ARID5B: variants seen among roughly 807,000 people sequenced by gnomAD.
ARID5B encodes the protein AT-rich interaction domain 5B, also known as AT-rich interactive domain-containing protein 5B.
A neutral mutation model predicts 97.2 loss-of-function variants in ARID5B; 13 were observed. The observed-to-expected ratio is 0.13, with a 90% CI of 0.09 to 0.21. The LOEUF (loss-of-function observed/expected upper bound fraction) is 0.21, where lower values mean the gene tolerates loss of function less well. Among genes scored for constraint, ARID5B ranks in the 10% least tolerant of loss-of-function variants. ARID5B has a pLI of 1.00. For missense variants in ARID5B, 1,210 were observed against 1,465.3 expected, an observed-to-expected ratio of 0.83 and a Z score of 2.84; for synonymous variants, 556 against 570.3, an observed-to-expected ratio of 0.97 and a Z score of 0.36.
intron 5 of ARID5B, among the ~76,000 whole-genome samples, chr10:62,053,894 G>A (rs1006419098): frequency 2.0e-5 from 3 of 152,068 alleles, no homozygotes; most frequent in Non-Finnish European, 2.9e-5. Context: ...TATCATTTTT[G>A]CTTTACTAAG....
chr10:61,954,301 G>C (rs1236315825), intron 3 of ARID5B, among the ~76,000 whole-genome samples: 1 of 151,942 alleles, frequency 6.6e-6, no homozygotes, highest in Non-Finnish European at 1.5e-5. Context: ...GGGTTGCAGT[G>C]AGCCAAGATT....
intron 4 of ARID5B, among the ~76,000 whole-genome samples, chr10:62,045,016 G>A (rs943525141): frequency 6.6e-6 from 1 of 152,162 alleles, no homozygotes; most frequent in Non-Finnish European, 1.5e-5. Flanking sequence ...AATACCAATG[G>A]TCACTATATG....
intron 4 of ARID5B, among the ~76,000 whole-genome samples, chr10:62,041,338 C>A (rs1473399149): frequency 6.6e-6 from 1 of 152,022 alleles, no homozygotes; most frequent in African/African-American, 2.4e-5. Context: ...GTGCTGGTGC[C>A]CTCATAGGGA....
chr10:61,989,443 A>G (rs537232682), intron 3 of ARID5B, among the ~76,000 whole-genome samples: 1 of 152,200 alleles, frequency 6.6e-6, no homozygotes, highest in Non-Finnish European at 1.5e-5. Flanking sequence ...TTTTAAGTGG[A>G]CATCTACATT....
At chr10:62,002,645 T>C (rs1269990503) in intron 4 of ARID5B, among the ~76,000 whole-genome samples, 1 of 152,210 alleles carries the variant, frequency 6.6e-6, no homozygotes, top group Non-Finnish European at 1.5e-5. Flanking sequence ...GCATTTGAAA[T>C]TGACATGGGT....
chr10:62,027,897 A>G (rs753394278), intron 4 of ARID5B, among the ~76,000 whole-genome samples: 1 of 152,098 alleles, frequency 6.6e-6, no homozygotes, highest in Non-Finnish European at 1.5e-5. Context: ...TCACCCTTTC[A>G]TAACACTGAT....
intron 2 of ARID5B, among the ~76,000 whole-genome samples, chr10:61,918,441 G>C (rs1465340497): frequency 6.6e-6 from 1 of 152,150 alleles, no homozygotes; most frequent in Non-Finnish European, 1.5e-5. Flanking sequence ...GCAGATGTTG[G>C]TTATTGACCC....
rs779922348 is a variant in ARID5B at position 62,092,857 on chromosome 10, A to C, written c.3394A>C (p.Thr1132Pro). Residue 1132 changes from threonine to proline, a missense_variant, in exon 10 of 10, where the codon ACA becomes CCA. Transcript: ENST00000279873. ...GCTTGTGATGCAAAGAGGAATTTTT[A>C]CATCACCGACAAATTCTCAGCAGCT... ...HSLVMQRGIFTSPTNSQQLYR... is the reference protein window; with the variant it reads ...HSLVMQRGIFPSPTNSQQLYR... 3.5e-5 allele frequency: 56 copies of C among 1,614,108 alleles called. No homozygotes were observed. The highest frequency in any genetic ancestry group is 4.5e-5 in the Non-Finnish European group (53 of 1,180,048).
chr10:61,950,342 G>T (rs1366478240), intron 3 of ARID5B, among the ~76,000 whole-genome samples: 1 of 152,046 alleles, frequency 6.6e-6, no homozygotes, highest in East Asian at 1.9e-4. Flanking sequence ...TTTTGAGAAT[G>T]CAACACTGAC....
intron 3 of ARID5B, among the ~76,000 whole-genome samples, chr10:61,988,385 A>G (rs922375631): frequency 2.0e-4 from 30 of 152,360 alleles, no homozygotes; most frequent in Middle Eastern, 3.4e-3. Flanking sequence ...GCAGAAGGAT[A>G]TGTTTAACCC....
At chr10:61,943,528 A>G (rs1039592934) in intron 3 of ARID5B, among the ~76,000 whole-genome samples, 1 of 147,054 alleles carries the variant, frequency 6.8e-6, no homozygotes, top group Non-Finnish European at 1.5e-5. Context: ...TCACCTTTCT[A>G]TGGATAAAGT....
At chr10:61,947,261 C>CTTTTT (rs199587188) in intron 3 of ARID5B, among the ~76,000 whole-genome samples, 1,604 of 123,744 alleles carry the variant, frequency 0.013, 83 homozygotes, top group African/African-American at 0.016. Context: ...CACTTACTTT[C>CTTTTT]TTTTTTTTTT....
At chr10:61,916,178 C>G (rs867667283) in intron 2 of ARID5B, among the ~76,000 whole-genome samples, 1 of 152,120 alleles carries the variant, frequency 6.6e-6, no homozygotes, top group Non-Finnish European at 1.5e-5. Context: ...CTCAGCCTGC[C>G]GAGTAGCTGG....
chr10:61,989,610 A>T (rs1838894458), intron 3 of ARID5B, among the ~76,000 whole-genome samples: 1 of 152,230 alleles, frequency 6.6e-6, no homozygotes, highest in East Asian at 1.9e-4. Context: ...AAAGCACAAC[A>T]GTTCTAAAAT....
intron 2 of ARID5B, among the ~76,000 whole-genome samples, chr10:61,925,129 C>T (rs1426626832): frequency 1.3e-5 from 2 of 151,918 alleles, no homozygotes; most frequent in African/African-American, 2.4e-5. Flanking sequence ...CACTTGAACC[C>T]GGGAGGCAGA....
At chr10:62,074,831 C>CAT (rs1840107333) in intron 8 of ARID5B, among the ~76,000 whole-genome samples, 1 of 152,166 alleles carries the variant, frequency 6.6e-6, no homozygotes, top group African/African-American at 2.4e-5. Context: ...TCTACTAGCC[C>CAT]ATAACAAGCT....
chr10:61,992,442 C>T (rs1343149214), intron 3 of ARID5B, among the ~76,000 whole-genome samples: 1 of 152,072 alleles, frequency 6.6e-6, no homozygotes, highest in Non-Finnish European at 1.5e-5. Context: ...ATAGTGAGGG[C>T]AAAAGCTGAT....
At chr10:62,045,410 C>T (rs903812162) in intron 4 of ARID5B, among the ~76,000 whole-genome samples, 4 of 151,494 alleles carry the variant, frequency 2.6e-5, no homozygotes, top group African/African-American at 9.7e-5. Flanking sequence ...TCCTCCCCCC[C>T]GAAAGAGCAA....
intron 2 of ARID5B, among the ~76,000 whole-genome samples, chr10:61,904,889 G>T (rs1843682501): frequency 6.6e-6 from 1 of 152,172 alleles, no homozygotes; most frequent in Admixed American, 6.5e-5. Flanking sequence ...TTCCACCCTG[G>T]TGATGTCATT....
Sources: allele counts gnomAD v4.1 joint callset (sites outside exome capture counted in the v4.1 genomes callset), GRCh38; gene constraint gnomAD v4.1.1; transcripts MANE v1.5; gene names NCBI Gene and HGNC (gene_info 2026-07-23, HGNC 2026-07-21).